The following ETS1 variants were observed in gnomAD, a reference collection of about 807,000 sequenced individuals.
ETS1 encodes the protein ETS proto-oncogene 1, transcription factor, also known as protein C-ets-1.
In ETS1, 15 loss-of-function variants were observed where a neutral mutation model predicts 58.6. That is an observed-to-expected ratio of 0.26 (90% confidence interval 0.17 to 0.39). ETS1 has a LOEUF of 0.39. Ranked by LOEUF, ETS1 falls within the 10% of genes least tolerant of loss-of-function variation. ETS1 has a pLI of 1.00. For missense variants in ETS1, 417 were observed against 610.5 expected, an observed-to-expected ratio of 0.68 and a Z score of 3.34; for synonymous variants, 214 against 218.2, an observed-to-expected ratio of 0.98 and a Z score of 0.17.
chr11:128,526,858 T>C (rs1448423399), intron 3 of ETS1: 2 of 453,458 alleles, frequency 4.4e-6, no homozygotes, highest in Non-Finnish European at 8.9e-6. Context: ...AGTTTATCAG[T>C]GCTCTCCAAG....
chr11:128,580,384 T>A (rs1280692621), intron 1 of ETS1, among the ~76,000 whole-genome samples: 2 of 152,136 alleles, frequency 1.3e-5, no homozygotes, highest in Non-Finnish European at 2.9e-5. Flanking sequence ...CCAAATCATT[T>A]GAGTAGATGT....
At chr11:128,556,495 A>G in intron 2 of ETS1, 60 bp from the exon 3 acceptor site, 1 of 1,198,300 alleles carries the variant, frequency 8.3e-7, no homozygotes, top group South Asian at 1.6e-5. Flanking sequence ...GTTTAGCCCT[A>G]AAGAACTATG....
intron 3 of ETS1, among the ~76,000 whole-genome samples, chr11:128,491,533 A>C (rs1214082310): frequency 6.6e-6 from 1 of 152,222 alleles, no homozygotes; most frequent in Non-Finnish European, 1.5e-5. Context: ...GGAAGAAAAG[A>C]ATACTCCAGA....
intron 3 of ETS1, among the ~76,000 whole-genome samples, chr11:128,506,203 A>T (rs1863226576): frequency 6.6e-6 from 1 of 152,226 alleles, no homozygotes. Flanking sequence ...TTAGACGTTG[A>T]TGATGATGGC....
chr11:128,518,811 T>C (rs1349204163), intron 3 of ETS1, among the ~76,000 whole-genome samples: 1 of 152,228 alleles, frequency 6.6e-6, no homozygotes, highest in Non-Finnish European at 1.5e-5. Context: ...ATAACGCATG[T>C]TCCCGATGGA....
intron 2 of ETS1, among the ~76,000 whole-genome samples, chr11:128,571,282 G>A (rs1864622459): frequency 6.6e-6 from 1 of 151,902 alleles, no homozygotes; most frequent in Non-Finnish European, 1.5e-5. Flanking sequence ...CAGGCGTGGT[G>A]GCGGGCGCCT....
At chr11:128,583,845 C>T (rs1864923248) in intron 1 of ETS1, among the ~76,000 whole-genome samples, 3 of 152,148 alleles carry the variant, frequency 2.0e-5, no homozygotes, top group Non-Finnish European at 4.4e-5. Context: ...AAGGCAGCTC[C>T]AACACTTGAT....
chr11:128,547,413 T>G (rs983977051), intron 3 of ETS1, among the ~76,000 whole-genome samples: 2 of 152,278 alleles, frequency 1.3e-5, no homozygotes, highest in African/African-American at 4.8e-5. Flanking sequence ...GAACCCCTGC[T>G]CCATGAGAAA....
At chr11:128,567,692 G>T (rs1027255379) in intron 2 of ETS1, among the ~76,000 whole-genome samples, 1 of 151,962 alleles carries the variant, frequency 6.6e-6, no homozygotes, top group Non-Finnish European at 1.5e-5. Flanking sequence ...GAGTGCAGTG[G>T]CATGCTCTTG....
At chr11:128,507,979 T>G (rs1863287458) in intron 3 of ETS1, among the ~76,000 whole-genome samples, 1 of 152,226 alleles carries the variant, frequency 6.6e-6, no homozygotes, top group South Asian at 2.1e-4. Flanking sequence ...TCCAAAAAAC[T>G]GCCTTGTTGA....
intron 1 of ETS1, among the ~76,000 whole-genome samples, chr11:128,579,174 A>G (rs535001909): frequency 4.1e-4 from 62 of 152,334 alleles, no homozygotes; most frequent in African/African-American, 1.3e-3. Flanking sequence ...GGGGAATTCA[A>G]AAGCACAATA....
intron 3 of ETS1, among the ~76,000 whole-genome samples, chr11:128,516,504 T>G (rs1863528107): frequency 6.6e-6 from 1 of 152,116 alleles, no homozygotes; most frequent in African/African-American, 2.4e-5. Flanking sequence ...GCGGTGACAG[T>G]GTGGGCCCAA....
intron 3 of ETS1, among the ~76,000 whole-genome samples, chr11:128,551,625 A>G (rs1425365551): frequency 6.6e-6 from 1 of 152,198 alleles, no homozygotes; most frequent in African/African-American, 2.4e-5. Flanking sequence ...ACACACTTGC[A>G]TAGAAGTTGT....
intron 3 of ETS1, among the ~76,000 whole-genome samples, chr11:128,491,734 A>G (rs1336738993): frequency 6.6e-6 from 1 of 152,210 alleles, no homozygotes; most frequent in Non-Finnish European, 1.5e-5. Flanking sequence ...TTTGACTACA[A>G]AAGTGGCAAG....
At chr11:128,509,431 T>C (rs1466699331) in intron 3 of ETS1, among the ~76,000 whole-genome samples, 1 of 152,142 alleles carries the variant, frequency 6.6e-6, no homozygotes, top group Non-Finnish European at 1.5e-5. Context: ...TCCTCAATTG[T>C]CTAATCTGGA....
chr11:128,512,485 C>G (rs1407161110), intron 3 of ETS1, among the ~76,000 whole-genome samples: 1 of 152,214 alleles, frequency 6.6e-6, no homozygotes, highest in African/African-American at 2.4e-5. Context: ...GAAATAACAT[C>G]AATCAGATGA....
intron 3 of ETS1, among the ~76,000 whole-genome samples, chr11:128,555,431 C>T (rs903044496): frequency 1.3e-5 from 2 of 152,146 alleles, no homozygotes; most frequent in Non-Finnish European, 2.9e-5. Context: ...TACATTTTCC[C>T]AACATGTAAG....
intron 1 of ETS1, among the ~76,000 whole-genome samples, chr11:128,574,551 G>A (rs2135584077): frequency 6.6e-6 from 1 of 152,178 alleles, no homozygotes; most frequent in African/African-American, 2.4e-5. Flanking sequence ...CTGCGTCAGG[G>A]GTCACTACTC....
chr11:128,516,659 G>T (rs1863532605), intron 3 of ETS1, among the ~76,000 whole-genome samples: 1 of 152,168 alleles, frequency 6.6e-6, no homozygotes, highest in South Asian at 2.1e-4. Context: ...GACACCTGGG[G>T]CTGTCTTGTG....
Sources: gnomAD v4.1 joint callset for allele counts (sites outside exome capture counted in the v4.1 genomes callset) on GRCh38, gnomAD v4.1.1 for gene constraint, MANE v1.5 for transcripts, NCBI Gene and HGNC (gene_info 2026-07-23, HGNC 2026-07-21) for gene names.